Variants in ZCCHC7 observed in about 807,000 individuals in gnomAD.
ZCCHC7 encodes zinc finger CCHC-type containing 7.
Under a neutral mutation model 52.0 loss-of-function variants are expected in ZCCHC7, and 35 were observed. The ratio of observed to expected loss-of-function variants is 0.67; its 90% CI spans 0.51 to 0.89. The LOEUF (loss-of-function observed/expected upper bound fraction) is 0.89, where lower values mean the gene tolerates loss of function less well. Ranked by LOEUF, ZCCHC7 falls within the 40% of genes least tolerant of loss-of-function variation. ZCCHC7 has a pLI of 0.00. For missense variants in ZCCHC7, 574 were observed against 649.1 expected, an observed-to-expected ratio of 0.88 and a Z score of 1.26; for synonymous variants, 217 against 221.5, an observed-to-expected ratio of 0.98 and a Z score of 0.18.
In ZCCHC7 at chr9:37,211,318, C is replaced by T. The variant is rs73448468; in HGVS notation, c.610+84376C>T. 4.8e-3 allele frequency among the ~76,000 whole-genome samples: 736 copies of T among 152,218 alleles called. 3 individuals carry two copies. Among genetic ancestry groups the T allele is most frequent in the African/African-American group, 0.017 (697 of 41,534 alleles). On this transcript the variant is annotated intron_variant, in intron 2 of 8. Transcript: ENST00000336755. ...TTAAGTTTAGTGGGAGAGAGTGATT[C>T]AGCATACATATGGTTTTACTTGTAG...
chr9:37,345,181 A>G (rs1366774371), intron 6 of ZCCHC7, among the ~76,000 whole-genome samples: 3 of 152,214 alleles, frequency 2.0e-5, no homozygotes, highest in African/African-American at 4.8e-5. Context: ...ATAACCCATC[A>G]GTAGCTTTTA....
chr9:37,169,019 G>T (rs1311523119), intron 2 of ZCCHC7, among the ~76,000 whole-genome samples: 6 of 152,156 alleles, frequency 3.9e-5, no homozygotes, highest in African/African-American at 1.4e-4. Flanking sequence ...TCTGCCGTTT[G>T]TGTAGCAATT....
chr9:37,334,848 A>G (rs1389285619), intron 6 of ZCCHC7, among the ~76,000 whole-genome samples: 1 of 152,120 alleles, frequency 6.6e-6, no homozygotes, highest in Non-Finnish European at 1.5e-5. Flanking sequence ...TTAAATTAGA[A>G]CTTCACCTTA....
chr9:37,167,812 A>T (rs1015994794), intron 2 of ZCCHC7, among the ~76,000 whole-genome samples: 5 of 152,176 alleles, frequency 3.3e-5, no homozygotes, highest in Non-Finnish European at 7.3e-5. Flanking sequence ...TCTATGCAAC[A>T]TCATGTAAAT....
intron 6 of ZCCHC7, chr9:37,333,824 CAAAG>C (rs1830540630): frequency 6.6e-6 from 1 of 151,718 alleles, no homozygotes; most frequent in Non-Finnish European, 1.5e-5. Context: ...CATATAATCT[CAAAG>C]AAAACTACAT....
chr9:37,277,378 A>G (rs1031698568), intron 2 of ZCCHC7, among the ~76,000 whole-genome samples: 1 of 152,186 alleles, frequency 6.6e-6, no homozygotes, highest in African/African-American at 2.4e-5. Flanking sequence ...TGGATGGCTC[A>G]TGCGTATTAT....
intron 2 of ZCCHC7, among the ~76,000 whole-genome samples, chr9:37,161,749 A>G (rs1588403678): frequency 6.6e-6 from 1 of 152,216 alleles, no homozygotes; most frequent in Non-Finnish European, 1.5e-5. Context: ...ATAAGCTCAG[A>G]TCGTCATAGC....
chr9:37,260,554 G>A (rs937008785), intron 2 of ZCCHC7, among the ~76,000 whole-genome samples: 2 of 152,206 alleles, frequency 1.3e-5, no homozygotes, highest in African/African-American at 4.8e-5. Context: ...GACTGCACAA[G>A]TTACATACCT....
At chr9:37,167,497 C>G (rs565374371) in intron 2 of ZCCHC7, among the ~76,000 whole-genome samples, 1 of 152,044 alleles carries the variant, frequency 6.6e-6, no homozygotes, top group Non-Finnish European at 1.5e-5. Flanking sequence ...ATGTTCTTGT[C>G]CCCTAATTTT....
intron 2 of ZCCHC7, among the ~76,000 whole-genome samples, chr9:37,236,760 G>A (rs548104951): frequency 2.0e-4 from 30 of 152,178 alleles, no homozygotes; most frequent in African/African-American, 7.2e-4. Flanking sequence ...TCCCATACAC[G>A]GCACAGTGCA....
At chr9:37,215,935 T>C (rs1223361014) in intron 2 of ZCCHC7, among the ~76,000 whole-genome samples, 2 of 152,200 alleles carry the variant, frequency 1.3e-5, no homozygotes, top group Non-Finnish European at 2.9e-5. Context: ...TATCTTGGCC[T>C]ATGAGGGGTT....
At chr9:37,272,771 G>A (rs1008136435) in intron 2 of ZCCHC7, among the ~76,000 whole-genome samples, 2 of 152,146 alleles carry the variant, frequency 1.3e-5, no homozygotes, top group African/African-American at 4.8e-5. Flanking sequence ...GCACTATTCC[G>A]TACGTATTCT....
At chr9:37,198,225 T>C (rs183172496) in intron 2 of ZCCHC7, among the ~76,000 whole-genome samples, 1 of 152,310 alleles carries the variant, frequency 6.6e-6, no homozygotes, top group Admixed American at 6.5e-5. Flanking sequence ...CTTCTATTCA[T>C]CCTGTGAGAT....
rs569570327 is a variant in ZCCHC7, at chr9:37,276,971, TC to T, written c.611-25215del. Among the ~76,000 whole-genome samples, 23 of 152,276 alleles carry T rather than the reference TC, an allele frequency of 1.5e-4. No homozygotes were observed. In the South Asian group the frequency reaches 4.8e-3, roughly 32 times the overall value. On this transcript the variant is annotated intron_variant, in intron 2 of 8. Transcript: ENST00000336755. ...TAAATAGTGAAAAATTGCTAATCAC[TC>T]CAGCCCAAAGTACCTTCTCTCTCCT... is the stretch of plus-strand genomic sequence containing the variant.
chr9:37,304,395 T>G, intron 4 of ZCCHC7, 82 bp downstream of exon 4: 1 of 1,510,898 alleles, frequency 6.6e-7, no homozygotes, highest in Non-Finnish European at 9.0e-7. Context: ...GGCTCATGCC[T>G]GTAATCCCAG....
intron 2 of ZCCHC7, among the ~76,000 whole-genome samples, chr9:37,200,488 A>G (rs756101884): frequency 3.9e-5 from 6 of 151,950 alleles, no homozygotes; most frequent in Non-Finnish European, 5.9e-5. Flanking sequence ...ATCATGTCCA[A>G]CTCCATGTGC....
At position 37,223,086 on chromosome 9, in the gene ZCCHC7, A is replaced by G. The variant is rs1163910582; in HGVS notation, c.611-79102A>G. ...GAAAGGCAATTGGGCCATAGTTACC[A>G]AAAGTCTTAAATGTGGCTACTGTGG... On this transcript the variant is annotated intron_variant, in intron 2 of 8. Transcript: ENST00000336755. Among the ~76,000 whole-genome samples the G allele has an allele frequency of 2.4e-4, 37 of 152,182 alleles. 1 individual carries two copies. Among genetic ancestry groups the G allele is most frequent in the Admixed American group, 2.4e-3 (37 of 15,272 alleles).
intron 6 of ZCCHC7, 117 bp from the exon 7 acceptor site, chr9:37,349,240 C>T: frequency 1.1e-6 from 1 of 893,826 alleles, no homozygotes; most frequent in Non-Finnish European, 1.7e-6. Flanking sequence ...TACAGGTCTC[C>T]ATACAAAACT....
intron 2 of ZCCHC7, among the ~76,000 whole-genome samples, chr9:37,243,006 A>G (rs965776832): frequency 1.3e-5 from 2 of 151,814 alleles, no homozygotes; most frequent in Non-Finnish European, 3.0e-5. Context: ...ATGACATAAG[A>G]AGCACATTTA....
Sources: gnomAD v4.1 joint callset for allele counts (sites outside exome capture counted in the v4.1 genomes callset) on GRCh38, gnomAD v4.1.1 for gene constraint, MANE v1.5 for transcripts, NCBI Gene and HGNC (gene_info 2026-07-23, HGNC 2026-07-21) for gene names.